The following PRORP variants were observed in gnomAD, a reference collection of about 807,000 sequenced individuals.
The protein encoded by PRORP is mitochondrial ribonuclease P catalytic subunit.
Under a neutral mutation model 59.4 loss-of-function variants are expected in PRORP, and 51 were observed. That is an observed-to-expected ratio of 0.86 (90% confidence interval 0.69 to 1.08). The LOEUF (loss-of-function observed/expected upper bound fraction) is 1.08, where lower values mean the gene tolerates loss of function less well. Ranked by LOEUF, PRORP falls within the 50% of genes least tolerant of loss-of-function variation. PRORP has a pLI of 0.00. For synonymous variants in PRORP, 231 were observed against 245.6 expected (o/e 0.94, Z 0.55); for missense variants, 646 against 690.3 (o/e 0.94, Z 0.72).
chr14:35,228,624 G>A (rs908183751), intron 5 of PRORP, among the ~76,000 whole-genome samples: 3 of 152,130 alleles, frequency 2.0e-5, no homozygotes, highest in African/African-American at 7.2e-5. Context: ...ATGTTGCTGC[G>A]AAGGACATGA....
At position 35,262,863 on chromosome 14, in the gene PRORP, GT is replaced by G. The variant is rs2050940414; in HGVS notation, c.1276-3863del. On this transcript the variant is annotated intron_variant, in intron 5 of 7. Coordinates refer to ENST00000534898, the MANE Select transcript of PRORP (RefSeq NM_014672.4). ...GATGAGAACAGGTGTTGCTTGTTCA[GT>G]ATCTCAAGCCCAGAAAGATGAATTA... The G allele has an allele frequency of 5.9e-6, 9 of 1,538,294 alleles. No homozygotes were observed. In the Admixed American group the frequency reaches 1.5e-4, roughly 26 times the overall value.
chr14:35,162,211 A>G (rs759543624), intron 4 of PRORP, among the ~76,000 whole-genome samples: 1 of 152,126 alleles, frequency 6.6e-6, no homozygotes, highest in South Asian at 2.1e-4. Context: ...AATTTCTCAC[A>G]TATTCCAAGA....
At chr14:35,131,622 G>T (rs2047240946) in intron 4 of PRORP, among the ~76,000 whole-genome samples, 3 of 149,094 alleles carry the variant, frequency 2.0e-5, no homozygotes, top group Admixed American at 2.0e-4. Flanking sequence ...TCCACCTCCT[G>T]GGTTCAAGCG....
At chr14:35,178,759 A>G (rs371366843) in intron 4 of PRORP, among the ~76,000 whole-genome samples, 1 of 130,928 alleles carries the variant, frequency 7.6e-6, no homozygotes, top group Admixed American at 7.8e-5. Flanking sequence ...GGTTAATATT[A>G]TGTGTGAATT....
chr14:35,182,534 A>G (rs1232833905), intron 5 of PRORP, among the ~76,000 whole-genome samples: 2 of 152,106 alleles, frequency 1.3e-5, no homozygotes, highest in South Asian at 2.1e-4. Flanking sequence ...AATCCCAGCT[A>G]GTTGGGAGGC....
chr14:35,266,677 T>C (rs199899911), intron 5 of PRORP, 50 bp from the exon 6 acceptor site: 1 of 1,599,690 alleles, frequency 6.3e-7, no homozygotes, highest in African/African-American at 1.3e-5. Context: ...ACTCCACTAA[T>C]TTGAGAGTCT....
At chr14:35,219,988 G>A (rs1595334672) in intron 5 of PRORP, among the ~76,000 whole-genome samples, 1 of 152,178 alleles carries the variant, frequency 6.6e-6, no homozygotes, top group African/African-American at 2.4e-5. Flanking sequence ...CTTTCTCTGT[G>A]TGTTGTCTCT....
chr14:35,199,099 C>T (rs1170888682), intron 5 of PRORP, among the ~76,000 whole-genome samples: 3 of 152,126 alleles, frequency 2.0e-5, no homozygotes, highest in South Asian at 2.1e-4. Flanking sequence ...ACCCGGGAGG[C>T]GGAGGCTGCA....
intron 5 of PRORP, among the ~76,000 whole-genome samples, chr14:35,218,029 T>C (rs1393955413): frequency 6.6e-6 from 1 of 152,200 alleles, no homozygotes; most frequent in Non-Finnish European, 1.5e-5. Context: ...TATGTTGTTT[T>C]AATTTGCATT....
chr14:35,132,030 G>A (rs1369495644), intron 4 of PRORP, among the ~76,000 whole-genome samples: 2 of 151,768 alleles, frequency 1.3e-5, no homozygotes, highest in Admixed American at 1.3e-4. Context: ...AGTAGCGACG[G>A]GTTTCACCAT....
intron 4 of PRORP, among the ~76,000 whole-genome samples, chr14:35,128,041 T>C (rs1247444009): frequency 6.6e-6 from 1 of 152,238 alleles, no homozygotes; most frequent in East Asian, 1.9e-4. Context: ...GAAAACATTG[T>C]AGTTTCTCAC....
intron 5 of PRORP, among the ~76,000 whole-genome samples, chr14:35,258,453 G>A (rs2050813872): frequency 6.6e-6 from 1 of 152,122 alleles, no homozygotes. Context: ...TTGTGAAAAG[G>A]AAAGGTGAAA....
intron 5 of PRORP, among the ~76,000 whole-genome samples, chr14:35,246,456 A>G (rs2050487345): frequency 6.6e-6 from 1 of 152,142 alleles, no homozygotes; most frequent in Admixed American, 6.6e-5. Context: ...TCAGCCACAC[A>G]CTTCCATTAA....
intron 4 of PRORP, among the ~76,000 whole-genome samples, chr14:35,128,954 T>A (rs529663604): frequency 6.6e-6 from 1 of 151,756 alleles, no homozygotes; most frequent in South Asian, 2.1e-4. Flanking sequence ...CCCAGCACTT[T>A]GGGAGACCAA....
chr14:35,245,612 C>T (rs890360911), intron 5 of PRORP, among the ~76,000 whole-genome samples: 1 of 152,144 alleles, frequency 6.6e-6, no homozygotes, highest in African/African-American at 2.4e-5. Context: ...GCCACTTGCA[C>T]TGCAGCCTAG....
intron 5 of PRORP, among the ~76,000 whole-genome samples, chr14:35,242,270 G>A (rs2050386654): frequency 2.0e-5 from 3 of 152,002 alleles, no homozygotes; most frequent in Non-Finnish European, 4.4e-5. Flanking sequence ...ATAAACTCAG[G>A]CTGAACCTAC....
chr14:35,156,613 A>G (rs2047919085), intron 4 of PRORP, among the ~76,000 whole-genome samples: 1 of 152,252 alleles, frequency 6.6e-6, no homozygotes, highest in Non-Finnish European at 1.5e-5. Flanking sequence ...CTGAAAAACC[A>G]CTAATGGCAA....
At position 35,275,924 on chromosome 14, in the gene PRORP, C is replaced by T. The variant is rs1020012134; in HGVS notation, c.*2358C>T. The T allele has an allele frequency of 2.6e-5, 4 of 152,232 alleles. No homozygotes were observed. Among genetic ancestry groups the T allele is most frequent in the African/African-American group, 9.7e-5 (4 of 41,436 alleles). The allele number at this position is 152,232 out of a possible 1,614,324, so 9.4% of individuals were successfully genotyped here. A position where few individuals can be genotyped will look rare whatever the true frequency, so the allele number is the denominator to read the frequency against. On this transcript the variant is annotated 3_prime_UTR_variant, in exon 8 of 8. Coordinates refer to ENST00000534898, the MANE Select transcript of PRORP (RefSeq NM_014672.4). ...CAGACCCAGGAAGATGACCTGGCTT[C>T]CCTGAATCCCACGGCTAGTTAGTGC...
intron 5 of PRORP, among the ~76,000 whole-genome samples, chr14:35,202,143 G>T (rs2049171413): frequency 6.6e-6 from 1 of 151,486 alleles, no homozygotes; most frequent in African/African-American, 2.4e-5. Flanking sequence ...CTAACTTTTT[G>T]TATTTTTAGT....
Sources: gnomAD v4.1 joint callset for allele counts (sites outside exome capture counted in the v4.1 genomes callset) on GRCh38, gnomAD v4.1.1 for gene constraint, MANE v1.5 for transcripts, NCBI Gene and HGNC (gene_info 2026-07-23, HGNC 2026-07-21) for gene names.